The following FAT4 variants were observed in gnomAD, a reference collection of about 807,000 sequenced individuals.
FAT4 encodes the protein FAT atypical cadherin 4.
FAT4 carries 84 observed loss-of-function variants against 303.9 expected under a neutral mutation model. That is an observed-to-expected ratio of 0.28 (90% CI 0.23 to 0.33). The LOEUF is 0.33. FAT4 is among the 10% of genes least tolerant of loss of function. FAT4 has a pLI of 1.00. For synonymous variants in FAT4, 2,307 were observed against 2,298.8 expected (o/e 1.00, Z -0.10); for missense variants, 6,005 against 6,146.8 (o/e 0.98, Z 0.77).
chr4:125,419,132 A>G (rs1339485630), intron 7 of FAT4, among the ~76,000 whole-genome samples: 1 of 152,222 alleles, frequency 6.6e-6, no homozygotes, highest in Non-Finnish European at 1.5e-5. Flanking sequence ...ATGATTGGAA[A>G]TACTAATATC....
intron 2 of FAT4, among the ~76,000 whole-genome samples, chr4:125,396,183 A>G (rs1473965827): frequency 6.6e-6 from 1 of 152,020 alleles, no homozygotes; most frequent in Non-Finnish European, 1.5e-5. Context: ...GTTCCTTACC[A>G]CTGGACTTTC....
intron 2 of FAT4, among the ~76,000 whole-genome samples, chr4:125,335,803 T>C (rs567845666): frequency 3.9e-5 from 6 of 152,190 alleles, no homozygotes; most frequent in Non-Finnish European, 7.4e-5. Context: ...TCATGCTGTG[T>C]GACTTTAAGG....
intron 2 of FAT4, among the ~76,000 whole-genome samples, chr4:125,345,939 A>G (rs566888673): frequency 3.3e-5 from 5 of 151,982 alleles, no homozygotes; most frequent in Non-Finnish European, 7.4e-5. Flanking sequence ...AGGTTTTCTT[A>G]TTTAATTTGC....
Position 125,492,311 on chromosome 4 carries a change from T to C in FAT4, c.*543T>C, listed in dbSNP as rs1209159039. On this transcript the variant is annotated 3_prime_UTR_variant, in exon 18 of 18. Coordinates refer to ENST00000394329, the MANE Select transcript of FAT4 (RefSeq NM_001291303.3). The stretch of plus-strand genomic sequence containing the variant: ...AATGTCTCAGTATTTGAGTAAGTTT[T>C]ACATGACAGTGGGTACTGAAATTAA... The C allele has an allele frequency of 1.3e-5, 2 of 153,180 alleles. No homozygotes were observed. The highest frequency in any genetic ancestry group is 1.3e-4 in the Admixed American group (2 of 15,436). The allele number at this position is 153,180 out of a possible 1,614,324, so 9.5% of individuals were successfully genotyped here. A position where few individuals can be genotyped will look rare whatever the true frequency, so the allele number is the denominator to read the frequency against.
At chr4:125,466,844 G>A (rs1467398848) in intron 11 of FAT4, among the ~76,000 whole-genome samples, 5 of 149,158 alleles carry the variant, frequency 3.4e-5, no homozygotes, top group East Asian at 2.0e-4. Flanking sequence ...GCATGTTCTA[G>A]GCTCACTGCA....
At chr4:125,422,385 A>G (rs1724933468) in intron 7 of FAT4, among the ~76,000 whole-genome samples, 1 of 152,180 alleles carries the variant, frequency 6.6e-6, no homozygotes, top group South Asian at 2.1e-4. Context: ...GGTTCCCATA[A>G]TCCCCATGTG....
At chr4:125,435,498 T>A (rs973906332) in intron 8 of FAT4, among the ~76,000 whole-genome samples, 2 of 152,342 alleles carry the variant, frequency 1.3e-5, no homozygotes, top group Middle Eastern at 3.4e-3. Flanking sequence ...CTTATTTTGT[T>A]GTTTGTTACC....
At chr4:125,330,874 T>C (rs1731354615) in intron 2 of FAT4, among the ~76,000 whole-genome samples, 1 of 152,258 alleles carries the variant, frequency 6.6e-6, no homozygotes, top group Non-Finnish European at 1.5e-5. Flanking sequence ...CCTAGTTGAC[T>C]GCTCTTATTA....
In FAT4 at chr4:125,407,042, G is replaced by C. The variant is rs779438847; in HGVS notation, c.5470G>C (p.Asp1824His). Reference protein sequence around the residue: ...VRADDGLQSSDMRINITVSDV... With the variant: ...VRADDGLQSSHMRINITVSDV... ...TGCTGATGATGGTCTTCAGTCCTCG[G>C]ATATGAGAATTAATATCACTGTCAG... The change falls in exon 4 of 18, where the codon GAT becomes CAT. Residue 1824 changes from aspartate to histidine, a missense_variant. Asp to His is a moderately conservative substitution (Grantham distance 81). Coordinates refer to ENST00000394329, the MANE Select transcript of FAT4 (RefSeq NM_001291303.3). The C allele has an allele frequency of 3.7e-6, 6 of 1,613,704 alleles. No individual in the cohort carries two copies. The African/African-American group carries it at 5.3e-5, about 14-fold the overall frequency.
At chr4:125,471,370 C>T (rs1181262228) in intron 12 of FAT4, among the ~76,000 whole-genome samples, 4 of 152,002 alleles carry the variant, frequency 2.6e-5, no homozygotes, top group South Asian at 2.1e-4. Context: ...CAGAAACCTT[C>T]AATTGGTAAA....
chr4:125,477,200 A>T lies in FAT4; in HGVS notation c.12345A>T (p.Arg4115Ser). Reference sequence around the variant, plus strand: ...ATAGAGTTACAGTTGGAGGTATCAGATCTCTAGAACCAATCCTTCAGAGAA... The same window carrying T: ...ATAGAGTTACAGTTGGAGGTATCAGTTCTCTAGAACCAATCCTTCAGAGAA... ...QPNRVTVGGI[R>S]SLEPILQRRG... is the part of the protein sequence containing the mutation. Residue 4115 changes from arginine to serine, a missense_variant, in exon 14 of 18, where the codon AGA (arginine) becomes AGT (serine). Coordinates refer to ENST00000394329, the MANE Select transcript of FAT4 (RefSeq NM_001291303.3). 1.4e-6 allele frequency: 2 copies of T among 1,478,972 alleles called. No individual in the cohort carries two copies. Among genetic ancestry groups the T allele is most frequent in the Non-Finnish European group, 1.8e-6 (2 of 1,106,106 alleles). 91.6% of individuals were successfully genotyped at this position (1,478,972 alleles called of 1,614,324 possible). A position where few individuals can be genotyped will look rare whatever the true frequency, so the allele number is the denominator to read the frequency against.
chr4:125,347,309 CCAAT>C (rs1463052224), intron 2 of FAT4, among the ~76,000 whole-genome samples: 13 of 150,736 alleles, frequency 8.6e-5, no homozygotes, highest in African/African-American at 2.2e-4. Flanking sequence ...GATAAAAAGA[CCAAT>C]CAATTAATGG....
Position 125,415,648 on chromosome 4 carries a change from G to C in FAT4, c.6685G>C (p.Val2229Leu). 1 of 1,614,030 alleles carries C rather than the reference G, an allele frequency of 6.2e-7. No homozygotes were observed. Among genetic ancestry groups the C allele is most frequent in the Non-Finnish European group, 8.5e-7 (1 of 1,179,978 alleles). ...REKTPTYHLT[V>L]QATDRGSTPR... ...AAAGACCCCTACCTACCATTTAACT[G>C]TTCAGGCAACAGATCGAGGCAGCAC... The change falls in exon 6 of 18, where the codon GTT becomes CTT. Residue 2229 changes from valine to leucine, a missense_variant. Physicochemically the swap from Val to Leu is conservative, Grantham distance 32. Transcript: ENST00000394329.
At chr4:125,387,183 T>C (rs996669320) in intron 2 of FAT4, among the ~76,000 whole-genome samples, 13 of 152,222 alleles carry the variant, frequency 8.5e-5, no homozygotes, top group Non-Finnish European at 2.9e-5. Context: ...TGGAGACCCC[T>C]GTTATAGACT....
At chr4:125,411,503 A>G (rs1045628753) in intron 5 of FAT4, among the ~76,000 whole-genome samples, 5 of 151,952 alleles carry the variant, frequency 3.3e-5, no homozygotes, top group African/African-American at 9.6e-5. Context: ...TGTACAATAC[A>G]GACCATTGAG....
intron 2 of FAT4, among the ~76,000 whole-genome samples, chr4:125,376,934 G>A (rs2710578): frequency 0.048 from 7,289 of 152,084 alleles, 559 homozygotes; most frequent in African/African-American, 0.16. Context: ...GAAGAAATTG[G>A]TTGGATGCCA....
Position 125,317,759 on chromosome 4 carries a change from G to T in FAT4, c.1348G>T (p.Ala450Ser), listed in dbSNP as rs756378994. 24 of 1,614,012 alleles carry T rather than the reference G, an allele frequency of 1.5e-5. No homozygotes were observed. Among genetic ancestry groups the T allele is most frequent in the Non-Finnish European group, 1.9e-5 (23 of 1,180,044 alleles). The change falls in exon 2 of 18, where the codon GCA becomes TCA. Residue 450 changes from alanine (A) to serine (S), a missense_variant. Ala to Ser is a moderately conservative substitution (Grantham distance 99, BLOSUM62 1). Transcript: ENST00000394329. This position sits in a 1 kb window ranked among gnomAD's most constrained non-coding sequence, Gnocchi z 7.0. ...VSDNYGAPPG[A>S]AVQARSSVAS... is the part of the protein sequence containing the mutation. ...TGATAACTACGGGGCGCCCCCTGGC[G>T]CAGCAGTCCAGGCGCGCTCTTCTGT... is the stretch of plus-strand genomic sequence containing the variant.
chr4:125,382,438 CA>C (rs1389608206), intron 2 of FAT4, among the ~76,000 whole-genome samples: 5 of 152,138 alleles, frequency 3.3e-5, no homozygotes, highest in African/African-American at 9.7e-5. Flanking sequence ...TGTCAATGAT[CA>C]GTAATATTTT....
intron 2 of FAT4, among the ~76,000 whole-genome samples, chr4:125,325,215 AC>A (rs1301528140): frequency 6.6e-6 from 1 of 152,192 alleles, no homozygotes; most frequent in Non-Finnish European, 1.5e-5. Context: ...ACATAAAAAT[AC>A]ATTTATCTCG....
Sources: gnomAD v4.1 joint callset for allele counts (sites outside exome capture counted in the v4.1 genomes callset) on GRCh38, gnomAD v4.1.1 for gene constraint, Gnocchi (gnomAD v3.1) non-coding constraint, MANE v1.5 for transcripts, NCBI Gene and HGNC (gene_info 2026-07-23, HGNC 2026-07-21) for gene names.